The following RSRP1 variants were observed in gnomAD, a reference collection of about 807,000 sequenced individuals.
RSRP1 encodes arginine/serine-rich protein 1.
RSRP1 carries 37 observed loss-of-function variants against 33.0 expected under a neutral mutation model. The ratio of observed to expected loss-of-function variants is 1.12; its 90% CI spans 0.86 to 1.48. RSRP1 has a LOEUF of 1.48. Ranked by LOEUF, RSRP1 falls within the 40% of genes most tolerant of loss-of-function variation. RSRP1 has a pLI of 0.00. For synonymous variants in RSRP1, 167 were observed against 158.7 expected (o/e 1.05, Z -0.40); for missense variants, 402 against 385.3 (o/e 1.04, Z -0.36).
intron 1 of RSRP1, chr1:25,307,043 C>A: frequency 2.9e-6 from 1 of 342,364 alleles, no homozygotes; most frequent in Non-Finnish European, 6.0e-6. Context: ...TGGTTCAGGT[C>A]GTGATGCAGA....
intron 1 of RSRP1, among the ~76,000 whole-genome samples, chr1:25,296,847 T>C (rs1439519683): frequency 7.8e-6 from 1 of 127,848 alleles, no homozygotes; most frequent in African/African-American, 2.7e-5. Context: ...CATGCCAAAC[T>C]GTGAGTCAAT....
intron 1 of RSRP1, among the ~76,000 whole-genome samples, chr1:25,288,080 T>G (rs149261439): frequency 0.021 from 2,796 of 132,450 alleles, 437 homozygotes; most frequent in African/African-American, 0.066. Flanking sequence ...TGAAGTGGCA[T>G]GTTCATGGCT....
chr1:25,310,295 G>T (rs1331647977), intron 1 of RSRP1, among the ~76,000 whole-genome samples: 1 of 133,010 alleles, frequency 7.5e-6, no homozygotes, highest in Non-Finnish European at 1.8e-5. Context: ...ATTAGATAAG[G>T]TCATGGGGTG....
rs541255212 is a variant in RSRP1 at position 25,334,662 on chromosome 1, G to A, written c.-67+3316C>T. Among the ~76,000 whole-genome samples the A allele has an allele frequency of 5.9e-3, 791 of 132,988 alleles. 111 individuals are homozygous for A. Among genetic ancestry groups the A allele is most frequent in the African/African-American group, 0.019 (738 of 38,900 alleles). 87.2% of individuals were successfully genotyped at this position (132,988 alleles called of 152,430 possible). A position where few individuals can be genotyped will look rare whatever the true frequency, so the allele number is the denominator to read the frequency against. ...TCTGCCTGGGCATCCAGGCATTTCC[G>A]CACATCCTCTTTAATCTAGGCGAAG... On this transcript the variant is annotated intron_variant, in intron 1 of 1. Transcript: ENST00000561867.
intron 1 of RSRP1, among the ~76,000 whole-genome samples, chr1:25,336,679 G>A (rs1403457068): frequency 6.6e-6 from 1 of 150,530 alleles, no homozygotes; most frequent in Non-Finnish European, 1.5e-5. Flanking sequence ...ATTAAAAGAG[G>A]ATGTTTGTTT....
intron 1 of RSRP1, among the ~76,000 whole-genome samples, chr1:25,332,751 A>T (rs1254025894): frequency 7.5e-6 from 1 of 133,074 alleles, no homozygotes; most frequent in Non-Finnish European, 1.8e-5. Context: ...AATATCAGGT[A>T]GGGATAAATA....
rs184813484 is a variant in RSRP1, at chr1:25,270,858, A to G, written c.-66-23829T>C. Among the ~76,000 whole-genome samples the G allele has an allele frequency of 2.4e-4, 31 of 131,896 alleles. 5 individuals carry two copies. The highest frequency in any genetic ancestry group is 8.1e-4 in the Admixed American group (11 of 13,508). 86.5% of individuals were successfully genotyped at this position (131,896 alleles called of 152,430 possible). A position where few individuals can be genotyped will look rare whatever the true frequency, so the allele number is the denominator to read the frequency against. On this transcript the variant is annotated intron_variant, in intron 1 of 1. Coordinates refer to the RSRP1 transcript ENST00000561867. ...TAGAATGGTGCCTAGCAAGTACTTA[A>G]TAACAGTTAGCTCTGAAAATGTATA...
rs113744649 is a variant in RSRP1 at position 25,245,304 on chromosome 1, A to G, written c.521-3T>C. 1.1e-4 allele frequency: 135 copies of G among 1,245,718 alleles called. 1 individual carries two copies. In the African/African-American group the frequency reaches 1.9e-3, roughly 17 times the overall value. The allele number at this position is 1,245,718 out of a possible 1,614,324, so 77.2% of individuals were successfully genotyped here. A position where few individuals can be genotyped will look rare whatever the true frequency, so the allele number is the denominator to read the frequency against. On this transcript the variant is annotated splice_polypyrimidine_tract_variant and splice_region_variant and intron_variant, in intron 2 of 4. Coordinates refer to ENST00000243189, the MANE Select transcript of RSRP1 (RefSeq NM_020317.5). ...TATTTCTAACAGCTCCATTCGATCT[A>G]AAAAAAAAAGAGAGAGATTTTAAAA...
intron 1 of RSRP1, among the ~76,000 whole-genome samples, chr1:25,314,893 G>A (rs1463969768): frequency 7.7e-6 from 1 of 130,668 alleles, no homozygotes; most frequent in African/African-American, 2.6e-5. Flanking sequence ...TTTATGTTTA[G>A]TTCTTTTATG....
At chr1:25,329,659 T>C (rs1384925160) in intron 1 of RSRP1, 1 of 131,138 alleles carries the variant, frequency 7.6e-6, no homozygotes, top group African/African-American at 2.6e-5. Context: ...CAGATTTTTA[T>C]ACTTTTTTTT....
intron 1 of RSRP1, among the ~76,000 whole-genome samples, chr1:25,316,450 T>A (rs184898719): frequency 0.021 from 2,567 of 124,974 alleles, 252 homozygotes; most frequent in African/African-American, 0.066. Context: ...TGAAACCCCG[T>A]CTCTATTAAT....
chr1:25,243,893 T>G, intron 3 of RSRP1: 1 of 1,210,604 alleles, frequency 8.3e-7, no homozygotes, highest in East Asian at 4.7e-5. Context: ...TTTTCTCAGG[T>G]TGAATCAAGT....
chr1:25,284,086 G>A (rs1266532172), intron 1 of RSRP1, among the ~76,000 whole-genome samples: 3 of 135,326 alleles, frequency 2.2e-5, no homozygotes, highest in African/African-American at 7.7e-5. Flanking sequence ...AACAACAAGA[G>A]CGCTGGGCCT....
At chr1:25,291,846 A>G (rs1642536301) in intron 1 of RSRP1, among the ~76,000 whole-genome samples, 1 of 132,694 alleles carries the variant, frequency 7.5e-6, no homozygotes, top group South Asian at 2.3e-4. Flanking sequence ...CCTGACCCTG[A>G]GTGAGGACAT....
At chr1:25,247,177 C>A (rs2124543657) in intron 1 of RSRP1, 132 bp downstream of exon 1, 3 of 507,578 alleles carry the variant, frequency 5.9e-6, no homozygotes, top group East Asian at 6.2e-5. Context: ...AAACCCCGCT[C>A]GGCGCCCTGA....
chr1:25,329,031 T>C lies in RSRP1; in HGVS notation c.-67+8947A>G. The C allele has an allele frequency of 2.9e-6, 4 of 1,378,324 alleles. 2 individuals are homozygous for C. The highest frequency in any genetic ancestry group is 4.1e-6 in the Non-Finnish European group (4 of 978,570). 85.4% of individuals were successfully genotyped at this position (1,378,324 alleles called of 1,614,324 possible). On this transcript the variant is annotated intron_variant, in intron 1 of 1. Transcript: ENST00000561867. ...ACGCTCATGACAGCAAAGTCTCCAA[T>C]GTTCGCGCAGGCACTGGAGTCAGAG...
chr1:25,297,480 A>C (rs1242311375), intron 1 of RSRP1, among the ~76,000 whole-genome samples: 1 of 119,844 alleles, frequency 8.3e-6, no homozygotes, highest in Non-Finnish European at 1.9e-5. Flanking sequence ...TTGATCATCC[A>C]ACTTTCACCC....
rs1297498021 is a variant in RSRP1 at position 25,243,566 on chromosome 1, A to G, written c.740T>C (p.Ile247Thr). 6.2e-7 allele frequency: 1 copy of G among 1,613,762 alleles called. No homozygotes were observed. The highest frequency in any genetic ancestry group is 8.5e-7 in the Non-Finnish European group (1 of 1,179,900). Residue 247 changes from isoleucine to threonine, a missense_variant, in exon 4 of 5, where the codon ATA becomes ACA. Transcript: ENST00000243189. Reference protein sequence around the residue: ...PNEKPTQQRSIAFSSNNSVAK... With the variant: ...PNEKPTQQRSTAFSSNNSVAK... ...TATACTTACATTAGAGCTAAAAGCT[A>G]TGCTTCTTTGCTGGGTAGGTTTTTC...
At chr1:25,280,244 G>C (rs1344176866) in intron 1 of RSRP1, among the ~76,000 whole-genome samples, 1 of 128,112 alleles carries the variant, frequency 7.8e-6, no homozygotes. Flanking sequence ...TCAGGGAATC[G>C]GGATCAGGGG....
Sources: gnomAD v4.1 joint callset for allele counts (sites outside exome capture counted in the v4.1 genomes callset) on GRCh38, gnomAD v4.1.1 for gene constraint, MANE v1.5 for transcripts, NCBI Gene and HGNC (gene_info 2026-07-23, HGNC 2026-07-21) for gene names.